The following MYT1L variants were observed in gnomAD, a reference collection of about 807,000 sequenced individuals.
MYT1L encodes myelin transcription factor 1 like, also known as myelin transcription factor 1-like protein.
In MYT1L, 12 loss-of-function variants were observed where a neutral mutation model predicts 126.7. The observed-to-expected ratio is 0.09, with a 90% CI of 0.06 to 0.15. The LOEUF is 0.15. Among genes scored for constraint, MYT1L ranks in the 10% least tolerant of loss-of-function variants. MYT1L has a pLI of 1.00. For missense variants in MYT1L, 979 were observed against 1,585.2 expected (o/e 0.62, Z 6.49); for synonymous variants, 541 against 604.2 (o/e 0.90, Z 1.53).
At chr2:1,814,223 G>A (rs994823277) in intron 21 of MYT1L, among the ~76,000 whole-genome samples, 1 of 152,004 alleles carries the variant, frequency 6.6e-6, no homozygotes, top group Admixed American at 6.5e-5. Context: ...ACTCCCACTT[G>A]AGTTTGCTGT....
At chr2:2,103,341 G>C (rs549085684) in intron 3 of MYT1L, among the ~76,000 whole-genome samples, 1 of 152,208 alleles carries the variant, frequency 6.6e-6, no homozygotes, top group Non-Finnish European at 1.5e-5. Context: ...TGCTTGTCCT[G>C]AGAGCTGTGC....
chr2:2,197,011 T>C (rs1163074116), intron 2 of MYT1L, among the ~76,000 whole-genome samples: 1 of 152,068 alleles, frequency 6.6e-6, no homozygotes, highest in Non-Finnish European at 1.5e-5. Flanking sequence ...AGAAGAAATA[T>C]ATTACAGTGC....
rs765555044 is a variant in MYT1L, at chr2:2,134,516, T to C, written c.-304+38356A>G. Among the ~76,000 whole-genome samples, 18 of 152,300 alleles carry C rather than the reference T, an allele frequency of 1.2e-4. No homozygotes were observed. The South Asian group carries it at 1.2e-3, about 11-fold the overall frequency. On this transcript the variant is annotated intron_variant, in intron 3 of 24. Coordinates refer to ENST00000647738, the MANE Select transcript of MYT1L (RefSeq NM_001303052.2). ...TGTTGATGCCCTAACCACAGTGTGATGGCTCTTGGAGGAGAGGCATTGGAT... is the reference window on the plus strand; with the variant it reads ...TGTTGATGCCCTAACCACAGTGTGACGGCTCTTGGAGGAGAGGCATTGGAT...
At chr2:1,966,939 T>G (rs570242785) in intron 8 of MYT1L, among the ~76,000 whole-genome samples, 1 of 152,312 alleles carries the variant, frequency 6.6e-6, no homozygotes, top group Non-Finnish European at 1.5e-5. Flanking sequence ...AATAGATTAT[T>G]TTTTTTCTCA....
intron 2 of MYT1L, among the ~76,000 whole-genome samples, chr2:2,262,932 A>ATATATATATATATATATATATATATAAT (rs1553610292): frequency 2.4e-5 from 1 of 41,210 alleles, no homozygotes; most frequent in Non-Finnish European, 4.7e-5. Flanking sequence ...ATATATATAT[A>ATATATATATATATATATATATATATAAT]ACCTGTGATA....
At chr2:2,205,965 A>ATTTCTTTTCTTTTCTTTTCTTTTCT (rs200696838) in intron 2 of MYT1L, among the ~76,000 whole-genome samples, 4 of 149,842 alleles carry the variant, frequency 2.7e-5, no homozygotes, top group African/African-American at 7.5e-5. Flanking sequence ...CTGTCCCATA[A>ATTTCTTTTCTTTTCTTTTCTTTTCT]TTTCTTTTCT....
At chr2:2,306,697 T>C (rs1398183839) in intron 1 of MYT1L, among the ~76,000 whole-genome samples, 4 of 152,154 alleles carry the variant, frequency 2.6e-5, no homozygotes, top group Non-Finnish European at 5.9e-5. Context: ...CCTCAAATGA[T>C]GGTGCTCTGG....
chr2:1,963,156 C>T (rs1180699872), intron 8 of MYT1L, among the ~76,000 whole-genome samples: 1 of 152,232 alleles, frequency 6.6e-6, no homozygotes, highest in Non-Finnish European at 1.5e-5. Flanking sequence ...ATAAAGCCAA[C>T]ATTCACCTCC....
intron 4 of MYT1L, among the ~76,000 whole-genome samples, chr2:2,045,501 G>C (rs1165163308): frequency 3.9e-5 from 6 of 152,198 alleles, no homozygotes; most frequent in Non-Finnish European, 7.3e-5. Context: ...TCATGAAACT[G>C]TATTAGAAAA....
chr2:1,870,220 C>T (rs74353192), intron 18 of MYT1L, among the ~76,000 whole-genome samples: 1 of 152,186 alleles, frequency 6.6e-6, no homozygotes, highest in African/African-American at 2.4e-5. Flanking sequence ...CCAAAGTGCA[C>T]CCAAGCTGCA....
In MYT1L at chr2:1,886,562, C is replaced by A; in HGVS notation, c.2688G>T (p.Leu896=). The A allele has an allele frequency of 3.2e-6, 5 of 1,576,734 alleles. No individual in the cohort carries two copies. The highest frequency in any genetic ancestry group is 4.3e-6 in the Non-Finnish European group (5 of 1,161,866). Residue 896 remains leucine (L), a synonymous_variant, in exon 18 of 25, where the codon CTG becomes CTT. Coordinates refer to ENST00000647738, the MANE Select transcript of MYT1L (RefSeq NM_001303052.2). ...PLADKSIRSM[L]ATSSQELKCP... is the part of the protein sequence containing the mutation. ...ACTTGAGTTCTTGGGAGCTGGTGGC[C>A]AGCATACTTCGAATGCTTTTGTCCG...
intron 4 of MYT1L, among the ~76,000 whole-genome samples, chr2:2,044,260 A>T (rs2067894158): frequency 6.6e-6 from 1 of 152,244 alleles, no homozygotes; most frequent in African/African-American, 2.4e-5. Context: ...GCACAATTTT[A>T]GTTACAATTA....
At chr2:2,285,136 C>T (rs967369623) in intron 1 of MYT1L, among the ~76,000 whole-genome samples, 2 of 152,190 alleles carry the variant, frequency 1.3e-5, no homozygotes, top group Admixed American at 6.5e-5. Context: ...TCTTCTAACC[C>T]GGGGAGATGA....
At chr2:2,056,215 T>C (rs1424755894) in intron 3 of MYT1L, among the ~76,000 whole-genome samples, 1 of 152,172 alleles carries the variant, frequency 6.6e-6, no homozygotes, top group Non-Finnish European at 1.5e-5. Flanking sequence ...TCATCAGGGC[T>C]GCTTGTCCAA....
intron 23 of MYT1L, among the ~76,000 whole-genome samples, chr2:1,800,819 C>T (rs545466748): frequency 1.2e-4 from 19 of 152,144 alleles, no homozygotes; most frequent in South Asian, 2.1e-4. Flanking sequence ...CCCAGCAAAC[C>T]GAGCAACCTT....
At chr2:1,839,959 T>C (rs1345985252) in intron 20 of MYT1L, among the ~76,000 whole-genome samples, 2 of 152,114 alleles carry the variant, frequency 1.3e-5, no homozygotes, top group African/African-American at 2.4e-5. Context: ...CCTGGGAACT[T>C]GTGAATGGCA....
At chr2:1,877,505 C>G (rs1175173991) in intron 18 of MYT1L, among the ~76,000 whole-genome samples, 1 of 152,102 alleles carries the variant, frequency 6.6e-6, no homozygotes, top group Non-Finnish European at 1.5e-5. Flanking sequence ...CTCCCCTTTG[C>G]TAAGAGGATG....
At chr2:2,120,640 G>A (rs1234544514) in intron 3 of MYT1L, among the ~76,000 whole-genome samples, 1 of 151,964 alleles carries the variant, frequency 6.6e-6, no homozygotes, top group Non-Finnish European at 1.5e-5. Flanking sequence ...CAAAAATCAA[G>A]CTGTTGGTGA....
chr2:2,167,584 G>A (rs1038462510), intron 3 of MYT1L, among the ~76,000 whole-genome samples: 14 of 152,134 alleles, frequency 9.2e-5, no homozygotes, highest in African/African-American at 2.9e-4. Flanking sequence ...AACTCACCAC[G>A]CCCACCCTGC....
Sources: gnomAD v4.1 joint callset for allele counts (sites outside exome capture counted in the v4.1 genomes callset) on GRCh38, gnomAD v4.1.1 for gene constraint, MANE v1.5 for transcripts, NCBI Gene and HGNC (gene_info 2026-07-23, HGNC 2026-07-21) for gene names.